HTR4: variants seen among roughly 807,000 people sequenced by gnomAD.
The protein encoded by HTR4 is 5-hydroxytryptamine (serotonin) receptor 4, G protein-coupled.
HTR4 carries 16 observed loss-of-function variants against 36.8 expected under a neutral mutation model. The ratio of observed to expected loss-of-function variants is 0.43; its 90% confidence interval spans 0.29 to 0.66. The LOEUF (loss-of-function observed/expected upper bound fraction) is 0.66. Ranked by LOEUF, HTR4 falls within the 30% of genes least tolerant of loss-of-function variation. The probability of loss-of-function intolerance (pLI) is 0.13; values close to 1 mark genes in which losing one functional copy is unlikely to be tolerated. For synonymous variants in HTR4, 189 were observed against 185.1 expected, an observed-to-expected ratio of 1.02 and a Z score of -0.17; for missense variants, 438 against 490.9, an observed-to-expected ratio of 0.89 and a Z score of 1.02.
intron 4 of HTR4, among the ~76,000 whole-genome samples, chr5:148,546,050 A>T (rs1759368670): frequency 6.6e-6 from 1 of 152,210 alleles, no homozygotes. Context: ...AAAGAAAATG[A>T]GCAGGACTTG....
At chr5:148,468,920 G>A (rs1015021596) in intron 5 of HTR4, among the ~76,000 whole-genome samples, 2 of 151,838 alleles carry the variant, frequency 1.3e-5, no homozygotes, top group Admixed American at 6.6e-5. Context: ...CTTTTGCTAG[G>A]GACTTCTGCT....
At chr5:148,576,973 CTAAT>C (rs1760948132) in intron 2 of HTR4, among the ~76,000 whole-genome samples, 1 of 152,032 alleles carries the variant, frequency 6.6e-6, no homozygotes, top group Non-Finnish European at 1.5e-5. Context: ...CAACTGGGAT[CTAAT>C]TAAACTTAAG....
intron 2 of HTR4, among the ~76,000 whole-genome samples, chr5:148,590,302 T>C (rs547150329): frequency 7.8e-6 from 1 of 127,564 alleles, no homozygotes; most frequent in Admixed American, 7.7e-5. Context: ...TTTTTTTTTT[T>C]TTTTTTTTTT....
At chr5:148,452,457 G>C (rs1365703709) in intron 5 of HTR4, among the ~76,000 whole-genome samples, 1 of 152,150 alleles carries the variant, frequency 6.6e-6, no homozygotes, top group Non-Finnish European at 1.5e-5. Flanking sequence ...AAGCATTTTT[G>C]GTTGTCACTG....
At chr5:148,549,513 A>G (rs1220791483) in intron 3 of HTR4, among the ~76,000 whole-genome samples, 1 of 152,160 alleles carries the variant, frequency 6.6e-6, no homozygotes, top group East Asian at 1.9e-4. Context: ...ATGCATTTTA[A>G]TAAGTATTGA....
intron 6 of HTR4, among the ~76,000 whole-genome samples, chr5:148,493,489 G>A (rs901114325): frequency 2.0e-5 from 3 of 151,944 alleles, no homozygotes; most frequent in Admixed American, 1.3e-4. Flanking sequence ...ATTTACATTC[G>A]AAGTTGGCAT....
intron 2 of HTR4, among the ~76,000 whole-genome samples, chr5:148,575,588 C>T (rs1760862988): frequency 6.6e-6 from 1 of 151,978 alleles, no homozygotes; most frequent in African/African-American, 2.4e-5. Flanking sequence ...CCTAAAGAAA[C>T]TCACACATGT....
intron 6 of HTR4, among the ~76,000 whole-genome samples, chr5:148,508,656 C>T (rs1371678285): frequency 6.6e-6 from 1 of 152,082 alleles, no homozygotes; most frequent in African/African-American, 2.4e-5. Flanking sequence ...GCTTCCTTTC[C>T]TTTCTACCCC....
At chr5:148,588,951 G>A (rs28483490) in intron 2 of HTR4, among the ~76,000 whole-genome samples, 18,471 of 151,930 alleles carry the variant, frequency 0.12, 1,217 homozygotes, top group African/African-American at 0.15. Context: ...GTATGTTTAC[G>A]TTTATGTGAA....
At chr5:148,632,252 G>A (rs1753349553) in intron 2 of HTR4, among the ~76,000 whole-genome samples, 1 of 152,130 alleles carries the variant, frequency 6.6e-6, no homozygotes, top group Non-Finnish European at 1.5e-5. Flanking sequence ...CTTATTAGTG[G>A]TGATTATAAA....
At chr5:148,515,497 A>T (rs998152657) in intron 5 of HTR4, among the ~76,000 whole-genome samples, 1 of 152,218 alleles carries the variant, frequency 6.6e-6, no homozygotes, top group African/African-American at 2.4e-5. Flanking sequence ...TTCCCATAAA[A>T]GTCACAATAC....
intron 1 of HTR4, among the ~76,000 whole-genome samples, chr5:148,643,640 G>A (rs961555996): frequency 1.4e-4 from 22 of 152,348 alleles, no homozygotes; most frequent in African/African-American, 3.8e-4. Context: ...TGATCAGCAA[G>A]CACCTGAGAA....
At chr5:148,499,044 A>T (rs1192902151) in intron 6 of HTR4, among the ~76,000 whole-genome samples, 1 of 152,126 alleles carries the variant, frequency 6.6e-6, no homozygotes, top group Non-Finnish European at 1.5e-5. Context: ...CTTAACTCTG[A>T]CTCTAAGTGG....
chr5:148,649,899 A>G (rs1423670765), intron 1 of HTR4, among the ~76,000 whole-genome samples: 2 of 152,168 alleles, frequency 1.3e-5, no homozygotes, highest in Non-Finnish European at 2.9e-5. Context: ...TCTTAACCCA[A>G]TAGTTCTCAA....
intron 1 of HTR4, among the ~76,000 whole-genome samples, chr5:148,639,803 T>C (rs1753669366): frequency 6.6e-6 from 1 of 151,896 alleles, no homozygotes; most frequent in African/African-American, 2.4e-5. Context: ...GTCAACTAAG[T>C]AGTTCATTAG....
intron 1 of HTR4, among the ~76,000 whole-genome samples, chr5:148,638,485 C>T (rs1310051685): frequency 6.6e-6 from 1 of 152,200 alleles, no homozygotes; most frequent in African/African-American, 2.4e-5. Flanking sequence ...AAATACAGTA[C>T]AATTACAATA....
intron 3 of HTR4, 144 bp downstream of exon 3, chr5:148,549,993 T>C: frequency 1.3e-6 from 1 of 782,616 alleles, no homozygotes; most frequent in South Asian, 1.9e-5. Flanking sequence ...CAATCCCTTT[T>C]TCTCCCCTTT....
chr5:148,638,905 G>A (rs973909837), intron 1 of HTR4, among the ~76,000 whole-genome samples: 2 of 151,740 alleles, frequency 1.3e-5, no homozygotes, highest in Non-Finnish European at 2.9e-5. Context: ...AAATTAGATG[G>A]GCGTGGTGAT....
At chr5:148,457,953 ATATATATT>A (rs1755152443) in intron 5 of HTR4, among the ~76,000 whole-genome samples, 1 of 133,728 alleles carries the variant, frequency 7.5e-6, no homozygotes, top group Admixed American at 7.9e-5. Context: ...GATATATTAA[ATATATATT>A]AAAATATAAT....
Sources: allele counts gnomAD v4.1 joint callset (sites outside exome capture counted in the v4.1 genomes callset), GRCh38; gene constraint gnomAD v4.1.1; transcripts MANE v1.5; gene names NCBI Gene and HGNC (gene_info 2026-07-23, HGNC 2026-07-21).